SRPK2: variants seen among roughly 807,000 people sequenced by gnomAD.
SRPK2 encodes SRSF protein kinase 2.
In SRPK2, 21 loss-of-function variants were observed where a neutral mutation model predicts 90.8. That is an observed-to-expected ratio of 0.23 (90% CI 0.16 to 0.33). The LOEUF (loss-of-function observed/expected upper bound fraction) is 0.33, where lower values mean the gene tolerates loss of function less well. SRPK2 is among the 10% of genes least tolerant of loss of function. The probability of loss-of-function intolerance (pLI) is 1.00; values close to 1 mark genes in which losing one functional copy is unlikely to be tolerated. For missense variants in SRPK2, 620 were observed against 869.0 expected, an observed-to-expected ratio of 0.71 and a Z score of 3.60; for synonymous variants, 288 against 311.1, an observed-to-expected ratio of 0.93 and a Z score of 0.78.
intron 1 of SRPK2, among the ~76,000 whole-genome samples, chr7:105,395,144 G>T (rs980371067): frequency 7.9e-5 from 12 of 152,098 alleles, no homozygotes; most frequent in African/African-American, 2.9e-4. Context: ...CTGCCCTCCA[G>T]CCTGGGCAAC....
At chr7:105,288,040 T>C (rs1808403027) in intron 2 of SRPK2, among the ~76,000 whole-genome samples, 2 of 152,186 alleles carry the variant, frequency 1.3e-5, no homozygotes, top group Non-Finnish European at 2.9e-5. Flanking sequence ...ATTCACACTT[T>C]AATCAAGGTC....
intron 7 of SRPK2, among the ~76,000 whole-genome samples, chr7:105,152,416 C>T (rs1421716289): frequency 6.6e-6 from 1 of 152,156 alleles, no homozygotes; most frequent in African/African-American, 2.4e-5. Context: ...TCCCAAAGTG[C>T]TAGGATTACA....
intron 2 of SRPK2, chr7:105,206,042 T>A: frequency 1.9e-6 from 1 of 517,876 alleles, no homozygotes; most frequent in Non-Finnish European, 3.9e-6. Flanking sequence ...CACAATGGAT[T>A]CTTGGACTGG....
At chr7:105,356,403 G>A (rs913489488) in intron 2 of SRPK2, among the ~76,000 whole-genome samples, 2 of 152,120 alleles carry the variant, frequency 1.3e-5, no homozygotes, top group South Asian at 2.1e-4. Flanking sequence ...GGCCCATTTC[G>A]ACTAGGATAA....
intron 2 of SRPK2, among the ~76,000 whole-genome samples, chr7:105,346,333 T>C (rs1816453076): frequency 6.6e-6 from 1 of 152,082 alleles, no homozygotes; most frequent in Non-Finnish European, 1.5e-5. Flanking sequence ...CTTAACTGAT[T>C]ATCACATAAC....
intron 2 of SRPK2, among the ~76,000 whole-genome samples, chr7:105,377,842 C>T (rs1183884723): frequency 6.6e-6 from 1 of 152,138 alleles, no homozygotes; most frequent in Non-Finnish European, 1.5e-5. Context: ...AATCCTAGAA[C>T]CCTCCCACTC....
chr7:105,221,309 A>C (rs549117844), intron 2 of SRPK2, among the ~76,000 whole-genome samples: 16 of 152,342 alleles, frequency 1.1e-4, no homozygotes, highest in Non-Finnish European at 1.9e-4. Flanking sequence ...GCATAGTCTT[A>C]AAAGTTGAGA....
intron 2 of SRPK2, among the ~76,000 whole-genome samples, chr7:105,380,758 G>A (rs1820849052): frequency 6.6e-6 from 1 of 151,750 alleles, no homozygotes; most frequent in Non-Finnish European, 1.5e-5. Context: ...TCCTGACCTT[G>A]TGATCTGCCC....
At position 105,117,850 on chromosome 7, in the gene SRPK2, C is replaced by G; in HGVS notation, c.2088G>C (p.Trp696Cys). The G allele has an allele frequency of 6.2e-7, 1 of 1,612,560 alleles. No homozygotes were observed. The highest frequency in any genetic ancestry group is 8.5e-7 in the Non-Finnish European group (1 of 1,180,014). Residue 696 changes from tryptophan (W) to cysteine (C), a missense_variant, in exon 16 of 16, where the codon TGG becomes TGC. Transcript: ENST00000393651. ...TTGGTAGAATTTGCTAAGAATTCAA[C>G]CAAGGATGCCGAAGGCATTCGCCAG... ...ASAGECLRHP[W>C]LNS
intron 2 of SRPK2, chr7:105,206,458 T>C (rs566974964): frequency 2.3e-4 from 37 of 159,058 alleles, no homozygotes; most frequent in African/African-American, 8.9e-4. Context: ...AGTCTAAGTG[T>C]GTAGGCACTT....
At chr7:105,273,232 AAG>A (rs1806069590) in intron 2 of SRPK2, among the ~76,000 whole-genome samples, 1 of 151,552 alleles carries the variant, frequency 6.6e-6, no homozygotes, top group Non-Finnish European at 1.5e-5. Context: ...AAAAAGAAAA[AAG>A]AATTATCTTT....
intron 2 of SRPK2, among the ~76,000 whole-genome samples, chr7:105,346,442 G>A (rs139320697): frequency 6.6e-6 from 1 of 151,992 alleles, no homozygotes; most frequent in Non-Finnish European, 1.5e-5. Context: ...TCAATAAACT[G>A]TAAGTCTCCA....
At chr7:105,382,873 G>C (rs932370278) in intron 2 of SRPK2, among the ~76,000 whole-genome samples, 13 of 152,010 alleles carry the variant, frequency 8.6e-5, no homozygotes, top group African/African-American at 2.7e-4. Flanking sequence ...ATGTAAAACT[G>C]ATAAAATCCA....
chr7:105,143,037 T>C (rs780854284), intron 10 of SRPK2, 47 bp downstream of exon 10: 3 of 1,594,434 alleles, frequency 1.9e-6, no homozygotes, highest in Non-Finnish European at 2.6e-6. Context: ...ACCCTACTAA[T>C]GGAGCTCTGA....
At chr7:105,328,471 G>C (rs1163810207) in intron 2 of SRPK2, among the ~76,000 whole-genome samples, 2 of 147,888 alleles carry the variant, frequency 1.4e-5, no homozygotes, top group Non-Finnish European at 3.0e-5. Flanking sequence ...GCTGAGGCAG[G>C]AGAATCATTT....
chr7:105,348,233 G>T (rs200718645), intron 2 of SRPK2, among the ~76,000 whole-genome samples: 6 of 151,258 alleles, frequency 4.0e-5, no homozygotes, highest in Admixed American at 2.0e-4. Flanking sequence ...CACCACGCCC[G>T]GCCAATTCTG....
intron 7 of SRPK2, among the ~76,000 whole-genome samples, chr7:105,149,460 G>A (rs984153040): frequency 2.6e-5 from 4 of 151,760 alleles, no homozygotes; most frequent in South Asian, 2.1e-4. Flanking sequence ...ATTCCTTTTT[G>A]CTGAAATAAT....
intron 15 of SRPK2, among the ~76,000 whole-genome samples, chr7:105,123,986 A>C (rs1295477864): frequency 6.6e-6 from 1 of 152,230 alleles, no homozygotes; most frequent in South Asian, 2.1e-4. Context: ...GCTCAAAAAG[A>C]ACTCGATCAC....
intron 2 of SRPK2, among the ~76,000 whole-genome samples, chr7:105,272,073 A>C (rs916304315): frequency 6.6e-6 from 1 of 152,208 alleles, no homozygotes; most frequent in Non-Finnish European, 1.5e-5. Context: ...TGCTTTTACA[A>C]GTCAGATTTT....
Sources: gnomAD v4.1 joint callset for allele counts (sites outside exome capture counted in the v4.1 genomes callset) on GRCh38, gnomAD v4.1.1 for gene constraint, MANE v1.5 for transcripts, NCBI Gene and HGNC (gene_info 2026-07-23, HGNC 2026-07-21) for gene names.